MAP3K8: variants seen among roughly 807,000 people sequenced by gnomAD.
The protein encoded by MAP3K8 is Ewing sarcoma transformant.
Under a neutral mutation model 45.8 loss-of-function variants are expected in MAP3K8, and 22 were observed. That is an observed-to-expected ratio of 0.48 (90% confidence interval 0.34 to 0.69). The LOEUF (loss-of-function observed/expected upper bound fraction) is 0.69. Ranked by LOEUF, MAP3K8 falls within the 30% of genes least tolerant of loss-of-function variation. The pLI, the probability that MAP3K8 is intolerant of heterozygous loss-of-function variation, is 0.01. For missense variants in MAP3K8, 419 were observed against 585.0 expected (o/e 0.72, Z 2.93); for synonymous variants, 223 against 214.3 (o/e 1.04, Z -0.36).
chr10:30,443,468 C>T (rs1047401485), intron 3 of MAP3K8, among the ~76,000 whole-genome samples: 2 of 152,180 alleles, frequency 1.3e-5, no homozygotes, highest in African/African-American at 2.4e-5. Flanking sequence ...GCATTTCCAA[C>T]TGTGTGCATG....
chr10:30,460,683 C>T, intron 8 of MAP3K8, 23 bp from the exon 9 acceptor site: 1 of 1,590,522 alleles, frequency 6.3e-7, no homozygotes, highest in Non-Finnish European at 8.6e-7. Flanking sequence ...TTGTTACTTA[C>T]TTTGTAATGT....
At chr10:30,440,480 T>C (rs1836064650) in intron 3 of MAP3K8, among the ~76,000 whole-genome samples, 1 of 152,148 alleles carries the variant, frequency 6.6e-6, no homozygotes, top group Admixed American at 6.6e-5. Context: ...AGGTATGTAG[T>C]GAATTGTTTT....
intron 3 of MAP3K8, among the ~76,000 whole-genome samples, chr10:30,443,980 G>A (rs1285259716): frequency 3.3e-5 from 5 of 150,498 alleles, no homozygotes; most frequent in South Asian, 4.3e-4. Context: ...ACTTGAGCCC[G>A]AGTTTGGGAC....
intron 1 of MAP3K8, among the ~76,000 whole-genome samples, chr10:30,436,136 T>A (rs1835901634): frequency 6.6e-6 from 1 of 152,200 alleles, no homozygotes; most frequent in African/African-American, 2.4e-5. Flanking sequence ...AAGTAGGAAT[T>A]TTATGAGGAC....
chr10:30,443,892 T>C (rs1836209909), intron 3 of MAP3K8, among the ~76,000 whole-genome samples: 1 of 152,134 alleles, frequency 6.6e-6, no homozygotes, highest in African/African-American at 2.4e-5. Context: ...TAGAGTTCCC[T>C]AAGATGGTTT....
chr10:30,457,760 C>T (rs1836787172), intron 6 of MAP3K8, among the ~76,000 whole-genome samples: 1 of 152,186 alleles, frequency 6.6e-6, no homozygotes, highest in African/African-American at 2.4e-5. Context: ...ATTCTCCTTG[C>T]CTCAGCCTCC....
Position 30,434,341 on chromosome 10 carries a change from T to C in MAP3K8, c.-292T>C. The C allele has an allele frequency of 1.7e-6, 1 of 592,906 alleles. No individual in the cohort carries two copies. The highest frequency in any genetic ancestry group is 2.1e-6 in the Non-Finnish European group (1 of 471,054). 36.7% of individuals were successfully genotyped at this position (592,906 alleles called of 1,614,324 possible). On this transcript the variant is annotated 5_prime_UTR_variant, in exon 1 of 9. Coordinates refer to ENST00000263056, the MANE Select transcript of MAP3K8 (RefSeq NM_005204.4). ...CACCGAACCTTCGGGGGGCCGCGGCTGGAGCGCTCGGCCGGCGTGGGAGCG... is the reference window on the plus strand; with the variant it reads ...CACCGAACCTTCGGGGGGCCGCGGCCGGAGCGCTCGGCCGGCGTGGGAGCG...
chr10:30,442,023 G>A (rs8177054), intron 3 of MAP3K8, among the ~76,000 whole-genome samples: 3,837 of 152,324 alleles, frequency 0.025, 70 homozygotes, highest in Non-Finnish European at 0.038. Flanking sequence ...TCTATATGAT[G>A]TATCTACATA....
intron 6 of MAP3K8, among the ~76,000 whole-genome samples, chr10:30,454,750 C>CT (rs78681596): frequency 8.0e-5 from 12 of 149,840 alleles, no homozygotes; most frequent in South Asian, 2.1e-4. Flanking sequence ...GGAAGCTGTA[C>CT]TTTTTTTTTT....
intron 4 of MAP3K8, among the ~76,000 whole-genome samples, 169 bp downstream of exon 4, chr10:30,448,118 T>C (rs1032465304): frequency 3.3e-5 from 5 of 152,192 alleles, no homozygotes; most frequent in Admixed American, 1.3e-4. Context: ...CTTGGGGCCA[T>C]TCAGCCCTAA....
chr10:30,434,563 G>A (rs1022957312), intron 1 of MAP3K8, 185 bp downstream of exon 1: 3 of 985,812 alleles, frequency 3.0e-6, no homozygotes, highest in Non-Finnish European at 3.6e-6. Flanking sequence ...CAGCTGGAAA[G>A]CACCTTGCGC....
chr10:30,459,515 G>A lies in MAP3K8; in HGVS notation c.1273+14G>A, dbSNP rs1360397881. 18 of 1,612,596 alleles carry A rather than the reference G, an allele frequency of 1.1e-5. No homozygotes were observed. Among genetic ancestry groups the A allele is most frequent in the Non-Finnish European group, 1.4e-5 (17 of 1,179,628 alleles). On this transcript the variant is annotated intron_variant, in intron 8 of 8. Coordinates refer to ENST00000263056, the MANE Select transcript of MAP3K8 (RefSeq NM_005204.4). Reference sequence around the variant, plus strand: ...AGAACATTGCTGGTAGGGACACCCTGCTGTGTGCCGCACACTTACTTCCCT... The same window carrying A: ...AGAACATTGCTGGTAGGGACACCCTACTGTGTGCCGCACACTTACTTCCCT...
rs1012750863 is a variant in MAP3K8, at chr10:30,437,299, T to C, written c.-131T>C. The C allele has an allele frequency of 2.0e-6, 2 of 985,330 alleles. No homozygotes were observed. The highest frequency in any genetic ancestry group is 3.5e-5 in the African/African-American group (2 of 57,234). The allele number at this position is 985,330 out of a possible 1,614,324, so 61.0% of individuals were successfully genotyped here. A position where few individuals can be genotyped will look rare whatever the true frequency, so the allele number is the denominator to read the frequency against. ...TCTGACTCAGTACTTTTCTCACTCA[T>C]GCATACAAAGCAGCTAAAAATGACA... On this transcript the variant is annotated 5_prime_UTR_variant, in exon 2 of 9. It removes an upstream start codon present in the reference 5' UTR. Coordinates refer to ENST00000263056, the MANE Select transcript of MAP3K8 (RefSeq NM_005204.4).
At chr10:30,434,919 T>C (rs903997811) in intron 1 of MAP3K8, among the ~76,000 whole-genome samples, 4 of 152,238 alleles carry the variant, frequency 2.6e-5, no homozygotes, top group Non-Finnish European at 5.9e-5. Flanking sequence ...TTCAAGTTTG[T>C]AACCCGGACT....
At chr10:30,442,966 T>C (rs1437592943) in intron 3 of MAP3K8, among the ~76,000 whole-genome samples, 2 of 152,224 alleles carry the variant, frequency 1.3e-5, no homozygotes, top group Non-Finnish European at 2.9e-5. Flanking sequence ...GAAAATCTCC[T>C]GTGACAAGGA....
intron 2 of MAP3K8, 30 bp from the exon 3 acceptor site, chr10:30,438,886 T>C (rs1835999541): frequency 8.1e-7 from 1 of 1,228,214 alleles, no homozygotes; most frequent in Non-Finnish European, 1.1e-6. Flanking sequence ...ACAAATATCG[T>C]AAACTAAATA....
At chr10:30,453,830 C>T (rs532947071) in intron 6 of MAP3K8, among the ~76,000 whole-genome samples, 6 of 143,562 alleles carry the variant, frequency 4.2e-5, no homozygotes, top group East Asian at 2.0e-4. Flanking sequence ...CCTGGGGGTT[C>T]GAGACCAGCC....
At chr10:30,438,628 A>G (rs1835990447) in intron 2 of MAP3K8, among the ~76,000 whole-genome samples, 1 of 152,162 alleles carries the variant, frequency 6.6e-6, no homozygotes, top group Admixed American at 6.5e-5. Flanking sequence ...ATGTTTAGTG[A>G]AAGTTTGTTT....
At position 30,458,269 on chromosome 10, in the gene MAP3K8, G is replaced by A. The variant is rs759200310; in HGVS notation, c.1026+33G>A. ...GGGTTCAACCAGGGCTGGGGGCGGC[G>A]GGGGGGGGCGTTGAGTTATGCATCC... On this transcript the variant is annotated intron_variant, in intron 7 of 8. Coordinates refer to ENST00000263056, the MANE Select transcript of MAP3K8 (RefSeq NM_005204.4). The A allele has an allele frequency of 9.2e-6, 11 of 1,189,358 alleles. No homozygotes were observed. The East Asian group carries it at 9.8e-5, about 11-fold the overall frequency. The allele number at this position is 1,189,358 out of a possible 1,614,324, so 73.7% of individuals were successfully genotyped here.
Sources: allele counts gnomAD v4.1 joint callset (sites outside exome capture counted in the v4.1 genomes callset), GRCh38; gene constraint gnomAD v4.1.1; transcripts MANE v1.5; gene names NCBI Gene and HGNC (gene_info 2026-07-23, HGNC 2026-07-21).